Variants in ADCY8 observed in about 807,000 individuals in gnomAD.
ADCY8 encodes the protein adenylate cyclase type 8.
ADCY8 carries 51 observed loss-of-function variants against 119.7 expected under a neutral mutation model. The observed-to-expected ratio is 0.43, with a 90% CI of 0.34 to 0.54. The LOEUF (loss-of-function observed/expected upper bound fraction) is 0.54. ADCY8 is among the 20% of genes least tolerant of loss of function. The pLI is 0.03. For missense variants in ADCY8, 1,383 were observed against 1,598.8 expected (o/e 0.87, Z 2.30); for synonymous variants, 665 against 651.0 (o/e 1.02, Z -0.33).
At chr8:130,792,391 C>G (rs1815451137) in intron 15 of ADCY8, among the ~76,000 whole-genome samples, 1 of 152,184 alleles carries the variant, frequency 6.6e-6, no homozygotes, top group Admixed American at 6.5e-5. Flanking sequence ...TAAATACAAT[C>G]TCTTTGCTGA....
chr8:131,036,831 CAAGAG>C (rs557468382), intron 1 of ADCY8, among the ~76,000 whole-genome samples: 43 of 152,112 alleles, frequency 2.8e-4, no homozygotes, highest in Non-Finnish European at 4.6e-4. Flanking sequence ...GAAGAGAATA[CAAGAG>C]AAGAGAAGAG....
intron 9 of ADCY8, among the ~76,000 whole-genome samples, chr8:130,862,126 C>T (rs1330751431): frequency 2.0e-5 from 3 of 152,080 alleles, no homozygotes; most frequent in South Asian, 4.2e-4. Context: ...AGATATTGGT[C>T]GGTAGTAACT....
intron 12 of ADCY8, among the ~76,000 whole-genome samples, chr8:130,835,712 A>G (rs1816965042): frequency 6.6e-6 from 1 of 152,188 alleles, no homozygotes; most frequent in Admixed American, 6.5e-5. Flanking sequence ...CATATAACCT[A>G]TACATATCCC....
At chr8:131,005,067 A>G (rs1173741567) in intron 1 of ADCY8, among the ~76,000 whole-genome samples, 1 of 152,164 alleles carries the variant, frequency 6.6e-6, no homozygotes, top group African/African-American at 2.4e-5. Context: ...GTCCCCCTAG[A>G]TCTCATATTC....
At chr8:130,935,461 C>T (rs1820755146) in intron 5 of ADCY8, 1 of 152,154 alleles carries the variant, frequency 6.6e-6, no homozygotes, top group South Asian at 2.1e-4. Context: ...GGAAAGAATC[C>T]CAAATTTTGA....
chr8:130,970,635 G>T (rs998877808), intron 2 of ADCY8, among the ~76,000 whole-genome samples: 1 of 152,162 alleles, frequency 6.6e-6, no homozygotes, highest in Admixed American at 6.5e-5. Flanking sequence ...AGAGAAACTG[G>T]TCCCTGGTGC....
At chr8:130,972,850 T>TC (rs202105364) in intron 2 of ADCY8, among the ~76,000 whole-genome samples, 3 of 150,762 alleles carry the variant, frequency 2.0e-5, no homozygotes, top group East Asian at 1.9e-4. Flanking sequence ...AGTTTTTTTT[T>TC]CCCCCAAACC....
chr8:130,993,280 T>C (rs1822659051), intron 1 of ADCY8, among the ~76,000 whole-genome samples: 1 of 152,206 alleles, frequency 6.6e-6, no homozygotes, highest in African/African-American at 2.4e-5. Context: ...CATCTACACA[T>C]TTAATAGCAC....
chr8:131,038,462 C>T (rs985598385), intron 1 of ADCY8, among the ~76,000 whole-genome samples: 6 of 152,102 alleles, frequency 3.9e-5, no homozygotes, highest in Non-Finnish European at 8.8e-5. Context: ...AGTGCCATGC[C>T]ATTAATTAGC....
rs563900659 is a variant in ADCY8, at chr8:130,828,429, G to A, written c.2676-7009C>T. Among the ~76,000 whole-genome samples, 22 of 151,932 alleles carry A rather than the reference G, an allele frequency of 1.4e-4. No individual in the cohort carries two copies. In the South Asian group the frequency reaches 3.8e-3, roughly 26 times the overall value. On this transcript the variant is annotated intron_variant, in intron 12 of 17. Coordinates refer to ENST00000286355, the MANE Select transcript of ADCY8 (RefSeq NM_001115.3). Reference sequence around the variant, plus strand: ...GTGCCCTTGGTCTGGAGAGCACATGGCATTTCCAGGTCTCTCTCTGCCCTT... The same window carrying A: ...GTGCCCTTGGTCTGGAGAGCACATGACATTTCCAGGTCTCTCTCTGCCCTT...
chr8:130,973,363 T>C (rs1392124798), intron 2 of ADCY8, among the ~76,000 whole-genome samples: 2 of 152,250 alleles, frequency 1.3e-5, no homozygotes, highest in Non-Finnish European at 2.9e-5. Context: ...TTCAAAATTG[T>C]TTGTACATTA....
chr8:130,998,234 A>G (rs914741297), intron 1 of ADCY8, among the ~76,000 whole-genome samples: 2 of 152,192 alleles, frequency 1.3e-5, no homozygotes, highest in African/African-American at 4.8e-5. Flanking sequence ...AGTAGGATGG[A>G]AAGTGATGGC....
At chr8:130,916,541 C>T (rs185389921) in intron 5 of ADCY8, among the ~76,000 whole-genome samples, 30 of 152,266 alleles carry the variant, frequency 2.0e-4, no homozygotes, top group Admixed American at 1.8e-3. Flanking sequence ...AAACTGGCCC[C>T]AAAACTGGCC....
intron 11 of ADCY8, among the ~76,000 whole-genome samples, chr8:130,843,128 C>G (rs557160481): frequency 8.5e-5 from 13 of 152,214 alleles, no homozygotes; most frequent in East Asian, 5.8e-4. Flanking sequence ...TTGGATCTAA[C>G]TTTTAAGATT....
chr8:130,785,286 C>A, intron 16 of ADCY8, 97 bp downstream of exon 16: 1 of 774,896 alleles, frequency 1.3e-6, no homozygotes, highest in Non-Finnish European at 2.0e-6. Flanking sequence ...CCCATCTTTC[C>A]CCAAGGATCT....
chr8:130,816,162 G>T (rs897674166), intron 13 of ADCY8, among the ~76,000 whole-genome samples: 1 of 152,064 alleles, frequency 6.6e-6, no homozygotes, highest in African/African-American at 2.4e-5. Context: ...ATATGCAAAA[G>T]GTTATCCATT....
At chr8:130,903,336 C>G (rs540148024) in intron 7 of ADCY8, among the ~76,000 whole-genome samples, 2 of 152,064 alleles carry the variant, frequency 1.3e-5, no homozygotes, top group East Asian at 1.9e-4. Context: ...GCAGTGCCCC[C>G]CTGATTTTGA....
At chr8:130,939,171 C>A (rs1353183510) in intron 4 of ADCY8, among the ~76,000 whole-genome samples, 1 of 151,862 alleles carries the variant, frequency 6.6e-6, no homozygotes, top group African/African-American at 2.4e-5. Flanking sequence ...TATCTACTAT[C>A]CCCATCACTT....
At chr8:130,790,941 A>T (rs1168876460) in intron 15 of ADCY8, among the ~76,000 whole-genome samples, 1 of 152,104 alleles carries the variant, frequency 6.6e-6, no homozygotes, top group Non-Finnish European at 1.5e-5. Flanking sequence ...TCTCTTGATG[A>T]TGTAGTTTCC....
Sources: allele counts gnomAD v4.1 joint callset (sites outside exome capture counted in the v4.1 genomes callset), GRCh38; gene constraint gnomAD v4.1.1; transcripts MANE v1.5; gene names NCBI Gene and HGNC (gene_info 2026-07-23, HGNC 2026-07-21).